The following JAK1 variants were observed in gnomAD, a reference collection of about 807,000 sequenced individuals.
JAK1 encodes Janus kinase 1, also known as tyrosine-protein kinase JAK1.
JAK1 carries 16 observed loss-of-function variants against 136.6 expected under a neutral mutation model. That is an observed-to-expected ratio of 0.12 (90% CI 0.08 to 0.18). The LOEUF (loss-of-function observed/expected upper bound fraction) is 0.18. Ranked by LOEUF, JAK1 falls within the 10% of genes least tolerant of loss-of-function variation. The pLI is 1.00. For missense variants in JAK1, 859 were observed against 1,450.1 expected (o/e 0.59, Z 6.62); for synonymous variants, 492 against 519.5 (o/e 0.95, Z 0.72).
chr1:64,966,761 T>G (rs1357395918), upstream of JAK1, among the ~76,000 whole-genome samples: 1 of 146,216 alleles, frequency 6.8e-6, no homozygotes, highest in Non-Finnish European at 1.5e-5. Context: ...CACCGCGTCC[T>G]CTAGATTCTA....
chr1:64,926,355 A>G (rs1645581837), intron 1 of JAK1, among the ~76,000 whole-genome samples: 1 of 149,870 alleles, frequency 6.7e-6, no homozygotes, highest in African/African-American at 2.5e-5. Context: ...CAGACTCAAC[A>G]GCAGGATCCC....
chr1:64,989,354 A>C (rs1490759408), intron 2 of JAK1: 1 of 151,122 alleles, frequency 6.6e-6, no homozygotes, highest in Non-Finnish European at 1.5e-5. Context: ...TAAATAAATA[A>C]ATAAATAAAT....
intron 2 of JAK1, among the ~76,000 whole-genome samples, chr1:64,977,906 C>G (rs376501510): frequency 1.4e-5 from 2 of 144,392 alleles, no homozygotes; most frequent in Non-Finnish European, 2.9e-5. Flanking sequence ...TCATCGTCAT[C>G]GGTAAGTAAG....
intron 1 of JAK1, among the ~76,000 whole-genome samples, chr1:64,922,158 A>AC (rs780155568): frequency 6.6e-6 from 1 of 150,386 alleles, no homozygotes; most frequent in Admixed American, 6.6e-5. Context: ...GAAAAAAAAA[A>AC]CCACAACAAC....
chr1:65,006,775 C>T (rs1300790048), intron 2 of JAK1, among the ~76,000 whole-genome samples: 1 of 152,032 alleles, frequency 6.6e-6, no homozygotes, highest in Admixed American at 6.6e-5. Flanking sequence ...CTGAATTACG[C>T]CTTGTATATA....
At chr1:65,061,536 C>A (rs1647791524) in intron 1 of JAK1, among the ~76,000 whole-genome samples, 1 of 152,074 alleles carries the variant, frequency 6.6e-6, no homozygotes, top group Non-Finnish European at 1.5e-5. Context: ...AAGTTGTTGG[C>A]CAAGCAGAAT....
At chr1:64,866,814 C>T (rs368543085) in intron 7 of JAK1, 52 bp downstream of exon 7, 36 of 1,348,546 alleles carry the variant, frequency 2.7e-5, no homozygotes, top group East Asian at 4.6e-5. Context: ...AAACAGCATA[C>T]GCTATGTGAC....
At chr1:64,898,226 TC>T (rs1328998621) in intron 1 of JAK1, among the ~76,000 whole-genome samples, 1 of 152,030 alleles carries the variant, frequency 6.6e-6, no homozygotes, top group Admixed American at 6.6e-5. Flanking sequence ...ACTGGGAGAG[TC>T]AACATTCTGC....
At chr1:64,921,306 G>C (rs777021851) in intron 1 of JAK1, among the ~76,000 whole-genome samples, 4 of 152,008 alleles carry the variant, frequency 2.6e-5, no homozygotes, top group Admixed American at 6.6e-5. Context: ...CTGGGCTTTC[G>C]ATCATAGGAC....
rs139567533 is a variant in JAK1, at chr1:64,910,251, G to A, written c.-77-23910C>T. ...ATTGTAATACGGGACAAAAAGTCAAGGCTAGTGGAAAGTTATTTGTAGTCT... is the reference window on the plus strand; with the variant it reads ...ATTGTAATACGGGACAAAAAGTCAAAGCTAGTGGAAAGTTATTTGTAGTCT... On this transcript the variant is annotated intron_variant, in intron 1 of 24. Coordinates refer to ENST00000342505, the MANE Select transcript of JAK1 (RefSeq NM_002227.4). Among the ~76,000 whole-genome samples, 355 of 152,210 alleles carry A rather than the reference G, an allele frequency of 2.3e-3. 2 individuals carry two copies. Among genetic ancestry groups the A allele is most frequent in the African/African-American group, 8.2e-3 (340 of 41,524 alleles).
intron 1 of JAK1, among the ~76,000 whole-genome samples, chr1:65,052,678 G>A (rs1381085147): frequency 6.6e-6 from 1 of 151,980 alleles, no homozygotes; most frequent in Admixed American, 6.6e-5. Context: ...GCCGGGTGTG[G>A]TGGTGGGTGC....
At chr1:64,907,065 T>C (rs1340110377) in intron 1 of JAK1, among the ~76,000 whole-genome samples, 2 of 152,136 alleles carry the variant, frequency 1.3e-5, no homozygotes, top group African/African-American at 4.8e-5. Context: ...GTAATGCCTT[T>C]ATAACTGGGT....
chr1:65,030,039 G>A (rs541364315), intron 2 of JAK1, among the ~76,000 whole-genome samples: 83 of 152,298 alleles, frequency 5.4e-4, no homozygotes, highest in Non-Finnish European at 9.8e-4. Flanking sequence ...CCCATGTGAT[G>A]GTATTAGGAG....
At chr1:65,061,632 T>G (rs1038911591) in intron 1 of JAK1, among the ~76,000 whole-genome samples, 1 of 152,178 alleles carries the variant, frequency 6.6e-6, no homozygotes, top group African/African-American at 2.4e-5. Context: ...AATTTGAAAA[T>G]TATCATCTAA....
intron 2 of JAK1, among the ~76,000 whole-genome samples, chr1:65,044,105 C>G (rs1647161965): frequency 6.6e-6 from 1 of 152,158 alleles, no homozygotes; most frequent in African/African-American, 2.4e-5. Flanking sequence ...AATCCACCTG[C>G]CTCGGCCTCC....
At chr1:64,937,035 T>TA (rs370992503) in intron 1 of JAK1, among the ~76,000 whole-genome samples, 33,279 of 137,294 alleles carry the variant, frequency 0.24, 4,823 homozygotes, top group East Asian at 0.53. Flanking sequence ...AATGACTGTT[T>TA]AAAAAAAAAA....
chr1:64,984,881 G>A lies in JAK1; in HGVS notation c.-78+59599C>T, dbSNP rs996966844. 1.6e-5 allele frequency: 19 copies of A among 1,190,190 alleles called. No individual in the cohort carries two copies. In the Admixed American group the frequency reaches 2.9e-4, roughly 18 times the overall value. The allele number at this position is 1,190,190 out of a possible 1,614,324, so 73.7% of individuals were successfully genotyped here. A position where few individuals can be genotyped will look rare whatever the true frequency, so the allele number is the denominator to read the frequency against. On this transcript the variant is annotated intron_variant, in intron 2 of 25. Coordinates refer to the JAK1 transcript ENST00000671954. This position sits in a 1 kb window ranked among gnomAD's most constrained non-coding sequence, Gnocchi z 4.1. The stretch of plus-strand genomic sequence containing the variant: ...AGTTGGAGGTCCAGGTGGAGCAGCC[G>A]GCCACTGCCATCACAGCTGGGCCAG...
chr1:65,058,507 C>A (rs371076505), intron 1 of JAK1: 8 of 532,564 alleles, frequency 1.5e-5, no homozygotes, highest in African/African-American at 1.4e-4. Flanking sequence ...TGAGCCAGGG[C>A]AGCCTGTCAG....
chr1:64,875,652 G>A (rs898437540), intron 4 of JAK1, among the ~76,000 whole-genome samples: 3 of 152,114 alleles, frequency 2.0e-5, no homozygotes, highest in Admixed American at 1.3e-4. Context: ...TGTAATTTAC[G>A]AAAGTGACTG....
Sources: allele counts gnomAD v4.1 joint callset (sites outside exome capture counted in the v4.1 genomes callset), GRCh38; gene constraint gnomAD v4.1.1; non-coding constraint Gnocchi (gnomAD v3.1); transcripts MANE v1.5; gene names NCBI Gene and HGNC (gene_info 2026-07-23, HGNC 2026-07-21).